The following AGAP1 variants were observed in gnomAD, a reference collection of about 807,000 sequenced individuals.
AGAP1 encodes the protein ArfGAP with GTPase domain, ankyrin repeat and PH domain 1.
Under a neutral mutation model 105.3 loss-of-function variants are expected in AGAP1, and 29 were observed. That is an observed-to-expected ratio of 0.28 (90% confidence interval 0.21 to 0.38). AGAP1 has a LOEUF of 0.38. Among genes scored for constraint, AGAP1 ranks in the 10% least tolerant of loss-of-function variants. The pLI, the probability that AGAP1 is intolerant of heterozygous loss-of-function variation, is 1.00. For missense variants in AGAP1, 998 were observed against 1,165.1 expected (o/e 0.86, Z 2.09); for synonymous variants, 509 against 485.9 (o/e 1.05, Z -0.63).
chr2:236,103,533 T>A (rs1249580916), intron 16 of AGAP1, among the ~76,000 whole-genome samples: 2 of 152,022 alleles, frequency 1.3e-5, no homozygotes, highest in Admixed American at 6.6e-5. Context: ...TTCTTTCTTT[T>A]CTCTTTTTCC....
At chr2:235,589,616 CCTCTTTGGGAAGG>C (rs1355572664) in intron 1 of AGAP1, among the ~76,000 whole-genome samples, 1 of 152,084 alleles carries the variant, frequency 6.6e-6, no homozygotes, top group African/African-American at 2.4e-5. Flanking sequence ...GGTGGCTTGT[CCTCTTTGGGAAGG>C]CTCTCTTTGC....
intron 13 of AGAP1, among the ~76,000 whole-genome samples, chr2:236,023,174 T>C (rs2056940397): frequency 6.6e-6 from 1 of 152,174 alleles, no homozygotes; most frequent in Non-Finnish European, 1.5e-5. Flanking sequence ...GCATTGACAG[T>C]GGCTACCTGG....
rs2049584067 is a variant in AGAP1, at chr2:235,874,049, T to C, written c.1051-9296T>C. Among the ~76,000 whole-genome samples, 3 of 149,914 alleles carry C rather than the reference T, an allele frequency of 2.0e-5. No individual in the cohort carries two copies. The highest frequency in any genetic ancestry group is 6.6e-5 in the Admixed American group (1 of 15,088). ...CAGCCCAGAACCGCATTCTGTTTTT[T>C]GTTTTGTTTTGTTTTTGTTTTTGTT... On this transcript the variant is annotated intron_variant, in intron 9 of 17. Transcript: ENST00000304032. The surrounding 1 kb of genome is among the most constrained non-coding windows in gnomAD (Gnocchi z 4.5).
In AGAP1 at chr2:235,535,422, A is replaced by G. The variant is rs1468957788; in HGVS notation, c.163+40573A>G. Among the ~76,000 whole-genome samples the G allele has an allele frequency of 1.3e-5, 2 of 152,034 alleles. No homozygotes were observed. Among genetic ancestry groups the G allele is most frequent in the Non-Finnish European group, 2.9e-5 (2 of 68,006 alleles). ...GTCAGTTACTACTAAATGAAATTAG[A>G]ACTTCACTGCCCTTTTTCTTTTTCC... On this transcript the variant is annotated intron_variant, in intron 1 of 17. Coordinates refer to ENST00000304032, the MANE Select transcript of AGAP1 (RefSeq NM_001037131.3). The surrounding 1 kb of genome is among the most constrained non-coding windows in gnomAD (Gnocchi z 5.1).
chr2:235,613,438 G>C (rs1946204854), intron 1 of AGAP1, among the ~76,000 whole-genome samples: 1 of 152,210 alleles, frequency 6.6e-6, no homozygotes, highest in South Asian at 2.1e-4. Context: ...TATTTTGAGA[G>C]CTGTTACCCA....
chr2:235,687,247 C>T (rs1247848165), intron 1 of AGAP1, among the ~76,000 whole-genome samples: 1 of 152,186 alleles, frequency 6.6e-6, no homozygotes, highest in African/African-American at 2.4e-5. Context: ...ATTTTCCACA[C>T]CACAGGAGAT....
At chr2:235,781,866 C>T (rs1310712572) in intron 6 of AGAP1, among the ~76,000 whole-genome samples, 2 of 151,986 alleles carry the variant, frequency 1.3e-5, no homozygotes, top group Non-Finnish European at 2.9e-5. Context: ...TAATGGATGC[C>T]GCTAGTGTAT....
intron 11 of AGAP1, among the ~76,000 whole-genome samples, chr2:235,921,805 T>C (rs1354268333): frequency 6.6e-6 from 1 of 152,210 alleles, no homozygotes; most frequent in East Asian, 1.9e-4. Context: ...AATGCCTACA[T>C]CTTATAAGAT....
intron 9 of AGAP1, among the ~76,000 whole-genome samples, chr2:235,826,861 AAC>A (rs1352005533): frequency 1.3e-5 from 2 of 152,188 alleles, no homozygotes. Context: ...ATGTTTCTAA[AAC>A]ACACAAATTT....
Position 235,830,436 on chromosome 2 carries a change from G to A in AGAP1, c.1050+23105G>A, listed in dbSNP as rs1026142133. Among the ~76,000 whole-genome samples the A allele has an allele frequency of 9.2e-5, 14 of 152,266 alleles. No homozygotes were observed. Among genetic ancestry groups the A allele is most frequent in the African/African-American group, 2.6e-4 (11 of 41,546 alleles). ...TTCTGATTGCAGGCACTTCAAAGCC[G>A]TCAGTTCCATTCATTGTTTTTCAAA... On this transcript the variant is annotated intron_variant, in intron 9 of 17. Transcript: ENST00000304032. The surrounding 1 kb of genome is among the most constrained non-coding windows in gnomAD (Gnocchi z 5.5).
intron 16 of AGAP1, among the ~76,000 whole-genome samples, chr2:236,060,862 G>T (rs2058173773): frequency 6.6e-6 from 1 of 152,140 alleles, no homozygotes; most frequent in Non-Finnish European, 1.5e-5. Context: ...AGCATCTCAA[G>T]ACCTGCCTGA....
At chr2:235,743,816 A>G (rs1354342029) in intron 4 of AGAP1, among the ~76,000 whole-genome samples, 9 of 152,222 alleles carry the variant, frequency 5.9e-5, no homozygotes, top group Non-Finnish European at 4.4e-5. Flanking sequence ...ACTTGGAAAG[A>G]GAAGGATCTT....
chr2:235,959,293 G>A lies in AGAP1; in HGVS notation c.1484-9169G>A, dbSNP rs1355655062. On this transcript the variant is annotated intron_variant, in intron 12 of 17. Coordinates refer to ENST00000304032, the MANE Select transcript of AGAP1 (RefSeq NM_001037131.3). This position sits in a 1 kb window ranked among gnomAD's most constrained non-coding sequence, Gnocchi z 7.3. ...AGCTCATTTACAGTGTCTCAGGCGG[G>A]GCTTTCGGGGCCTCTTCAATTTGAG... Among the ~76,000 whole-genome samples the A allele has an allele frequency of 6.6e-6, 1 of 152,198 alleles. No homozygotes were observed. The highest frequency in any genetic ancestry group is 6.5e-5 in the Admixed American group (1 of 15,286).
chr2:235,963,527 A>C lies in AGAP1; in HGVS notation c.1484-4935A>C, dbSNP rs1005574031. On this transcript the variant is annotated intron_variant, in intron 12 of 17. Transcript: ENST00000304032. The surrounding 1 kb of genome is among the most constrained non-coding windows in gnomAD (Gnocchi z 5.1). ...CAAAAATACGTGTGAGTTGGGTACC[A>C]TATAGCCCTCAGCAGAGTATTTGAC... Among the ~76,000 whole-genome samples, 3 of 152,240 alleles carry C rather than the reference A, an allele frequency of 2.0e-5. No homozygotes were observed. Among genetic ancestry groups the C allele is most frequent in the Non-Finnish European group, 4.4e-5 (3 of 68,034 alleles).
intron 1 of AGAP1, among the ~76,000 whole-genome samples, chr2:235,688,956 G>A (rs1396518358): frequency 1.3e-5 from 2 of 152,154 alleles, no homozygotes; most frequent in African/African-American, 2.4e-5. Context: ...TGTAACGTTC[G>A]CCAAGCTGGG....
chr2:235,558,216 G>A (rs1276123898), intron 1 of AGAP1, among the ~76,000 whole-genome samples: 1 of 152,086 alleles, frequency 6.6e-6, no homozygotes, highest in Non-Finnish European at 1.5e-5. Flanking sequence ...AGAGGTGGGT[G>A]GGATGCTCAG....
At position 235,719,230 on chromosome 2, in the gene AGAP1, CTG is replaced by C. The variant is rs982728043; in HGVS notation, c.310+1587_310+1588del. ...GTCTCTGGCCCTGGGGTTCAGGTGT[CTG>C]GTGGGGCAGCGCTGGAGGCCCTGGG... On this transcript the variant is annotated intron_variant, in intron 3 of 17. Coordinates refer to ENST00000304032, the MANE Select transcript of AGAP1 (RefSeq NM_001037131.3). This position sits in a 1 kb window ranked among gnomAD's most constrained non-coding sequence, Gnocchi z 4.9. Among the ~76,000 whole-genome samples the C allele has an allele frequency of 6.6e-6, 1 of 152,160 alleles. No individual in the cohort carries two copies. The highest frequency in any genetic ancestry group is 1.5e-5 in the Non-Finnish European group (1 of 68,036).
At position 236,045,165 on chromosome 2, in the gene AGAP1, A is replaced by C. The variant is rs1291836194; in HGVS notation, c.1892-3894A>C. On this transcript the variant is annotated intron_variant, in intron 15 of 17. Coordinates refer to ENST00000304032, the MANE Select transcript of AGAP1 (RefSeq NM_001037131.3). This position sits in a 1 kb window ranked among gnomAD's most constrained non-coding sequence, Gnocchi z 6.9. ...TCCTGGCCTTCGGCGATCCTCCCCC[A>C]TTGACCTCCCAAAGTGCTGGGATTA... Among the ~76,000 whole-genome samples, 2 of 151,952 alleles carry C rather than the reference A, an allele frequency of 1.3e-5. No homozygotes were observed. Among genetic ancestry groups the C allele is most frequent in the South Asian group, 4.1e-4 (2 of 4,826 alleles).
intron 9 of AGAP1, among the ~76,000 whole-genome samples, chr2:235,829,492 A>T (rs1183176155): frequency 6.6e-6 from 1 of 152,210 alleles, no homozygotes; most frequent in African/African-American, 2.4e-5. Flanking sequence ...CATCTGAGTC[A>T]ATCCTGGCCA....
Sources: allele counts gnomAD v4.1 joint callset (sites outside exome capture counted in the v4.1 genomes callset), GRCh38; gene constraint gnomAD v4.1.1; non-coding constraint Gnocchi (gnomAD v3.1); transcripts MANE v1.5; gene names NCBI Gene and HGNC (gene_info 2026-07-23, HGNC 2026-07-21).